Variants in TCAF1 observed in about 807,000 individuals in gnomAD.
TCAF1 encodes the protein TRPM8 channel associated factor 1.
TCAF1 carries 4 observed loss-of-function variants against 27.3 expected under a neutral mutation model. The observed-to-expected ratio is 0.15, with a 90% confidence interval of 0.07 to 0.34. The LOEUF is 0.34. Among genes scored for constraint, TCAF1 ranks in the 10% least tolerant of loss-of-function variants. TCAF1 has a pLI of 1.00. For synonymous variants in TCAF1, 105 were observed against 167.1 expected (o/e 0.63, Z 2.87); for missense variants, 257 against 425.8 (o/e 0.60, Z 3.49).
intron 1 of TCAF1, among the ~76,000 whole-genome samples, chr7:143,897,771 T>C (rs1813955402): frequency 6.6e-6 from 1 of 152,074 alleles, no homozygotes; most frequent in African/African-American, 2.4e-5. Flanking sequence ...ACACAGATGA[T>C]TTTACAGGTG....
intron 1 of TCAF1, among the ~76,000 whole-genome samples, chr7:143,886,866 ATTTTTT>A (rs56317170): frequency 8.7e-6 from 1 of 114,922 alleles, no homozygotes; most frequent in African/African-American, 3.1e-5. Flanking sequence ...GAGTTTTTGT[ATTTTTT>A]TTTTTTTTTT....
intron 1 of TCAF1, among the ~76,000 whole-genome samples, chr7:143,884,410 C>A (rs1015606843): frequency 3.3e-5 from 5 of 152,046 alleles, no homozygotes; most frequent in African/African-American, 1.2e-4. Context: ...CAAGATTCTG[C>A]CAAGTCAAGG....
chr7:143,896,913 A>G (rs1813893193), intron 1 of TCAF1, among the ~76,000 whole-genome samples: 1 of 151,342 alleles, frequency 6.6e-6, no homozygotes, highest in Non-Finnish European at 1.5e-5. Context: ...TCAAAGAAAG[A>G]AGAAAGTAAT....
At chr7:143,897,443 CAT>C (rs1393890777) in intron 1 of TCAF1, among the ~76,000 whole-genome samples, 8 of 151,746 alleles carry the variant, frequency 5.3e-5, no homozygotes, top group East Asian at 3.9e-4. Context: ...ATATATAAAA[CAT>C]GTGTTAATCA....
Position 143,851,623 on chromosome 7 carries a change from A to G in TCAF1, c.*2510T>C, listed in dbSNP as rs1399086873. On this transcript the variant is annotated 3_prime_UTR_variant, in exon 9 of 9. Coordinates refer to ENST00000479870, the MANE Select transcript of TCAF1 (RefSeq NM_014719.3). ...ACTTACTGACTTTACAACATCTTTA[A>G]TAATTCCCCATTACAAAAGATAAGG... is the stretch of plus-strand genomic sequence containing the variant. 1.3e-5 allele frequency: 2 copies of G among 152,248 alleles called. No homozygotes were observed. The highest frequency in any genetic ancestry group is 2.9e-5 in the Non-Finnish European group (2 of 68,044). 9.4% of individuals were successfully genotyped at this position (152,248 alleles called of 1,614,324 possible).
At chr7:143,872,299 A>G in intron 2 of TCAF1, among the ~76,000 whole-genome samples, 1 of 151,864 alleles carries the variant, frequency 6.6e-6, no homozygotes, top group Non-Finnish European at 1.5e-5. Context: ...CATTCTATCA[A>G]TGTTACATGT....
chr7:143,900,550 G>A (rs1814071011), intron 1 of TCAF1, among the ~76,000 whole-genome samples: 1 of 152,052 alleles, frequency 6.6e-6, no homozygotes, highest in African/African-American at 2.4e-5. Flanking sequence ...GATGACTGAG[G>A]CCCAGTCAAT....
chr7:143,881,464 T>C (rs1453680981), intron 1 of TCAF1, among the ~76,000 whole-genome samples: 1 of 152,182 alleles, frequency 6.6e-6, no homozygotes, highest in South Asian at 2.1e-4. Context: ...TTCCAAGACA[T>C]CGGGCTAGTT....
intron 1 of TCAF1, among the ~76,000 whole-genome samples, chr7:143,887,365 A>C (rs1035728632): frequency 5.9e-5 from 9 of 152,298 alleles, no homozygotes; most frequent in Non-Finnish European, 7.4e-5. Flanking sequence ...TACTTTTTGC[A>C]GGGAAAAAAT....
chr7:143,880,537 ATTG>A (rs1812957464), intron 1 of TCAF1, among the ~76,000 whole-genome samples: 1 of 152,212 alleles, frequency 6.6e-6, no homozygotes, highest in Admixed American at 6.5e-5. Flanking sequence ...CATCCTTTGA[ATTG>A]TTGTATGTAT....
intron 8 of TCAF1, among the ~76,000 whole-genome samples, chr7:143,854,507 C>T (rs1811473758): frequency 6.6e-6 from 1 of 151,870 alleles, no homozygotes; most frequent in Non-Finnish European, 1.5e-5. Context: ...AAAGGGCTCA[C>T]TCCAGCACTA....
chr7:143,851,486 CCT>C lies in TCAF1; in HGVS notation c.*2645_*2646del, dbSNP rs1811282005. On this transcript the variant is annotated 3_prime_UTR_variant, in exon 9 of 9. Transcript: ENST00000479870. ...TGAAAAACACAGTTTCCCATCCCAC[CCT>C]TTTTAAATCTAAATCCCATTCCCTA... The C allele has an allele frequency of 6.6e-6, 1 of 152,270 alleles. No homozygotes were observed. Among genetic ancestry groups the C allele is most frequent in the African/African-American group, 2.4e-5 (1 of 41,458 alleles). 9.4% of individuals were successfully genotyped at this position (152,270 alleles called of 1,614,324 possible). A position where few individuals can be genotyped will look rare whatever the true frequency, so the allele number is the denominator to read the frequency against.
chr7:143,886,268 C>A (rs2116835312), intron 1 of TCAF1, among the ~76,000 whole-genome samples: 1 of 152,252 alleles, frequency 6.6e-6, no homozygotes, highest in African/African-American at 2.4e-5. Flanking sequence ...TGCTGGGTAC[C>A]TAAGGAAGGG....
chr7:143,898,604 T>C (rs1426305614), intron 1 of TCAF1, among the ~76,000 whole-genome samples: 1 of 152,080 alleles, frequency 6.6e-6, no homozygotes, highest in Non-Finnish European at 1.5e-5. Context: ...AGTAAAAATA[T>C]GACGTGCCTA....
chr7:143,878,618 C>T (rs1562963667), intron 1 of TCAF1, among the ~76,000 whole-genome samples: 1 of 152,162 alleles, frequency 6.6e-6, no homozygotes, highest in Non-Finnish European at 1.5e-5. Flanking sequence ...AGTAGTTAAA[C>T]AGAAGCATTA....
chr7:143,885,192 G>A (rs1586787260), intron 1 of TCAF1: 2 of 985,448 alleles, frequency 2.0e-6, no homozygotes, highest in Admixed American at 1.2e-4. Context: ...CCCGAAACCA[G>A]CTTTGGACGA....
chr7:143,895,763 A>G (rs1813843758), intron 1 of TCAF1, among the ~76,000 whole-genome samples: 1 of 151,734 alleles, frequency 6.6e-6, no homozygotes, highest in African/African-American at 2.4e-5. Flanking sequence ...ACTAAGGATC[A>G]ATTTAACTTA....
intron 6 of TCAF1, among the ~76,000 whole-genome samples, chr7:143,859,981 T>TTATGTAA (rs1811871073): frequency 4.6e-5 from 2 of 43,516 alleles, no homozygotes; most frequent in Non-Finnish European, 8.0e-5. Flanking sequence ...ATAATATATA[T>TTATGTAA]TATATAATAT....
intron 1 of TCAF1, among the ~76,000 whole-genome samples, chr7:143,885,901 C>T (rs2107593): frequency 0.97 from 147,918 of 152,312 alleles, 71,845 homozygotes; most frequent in East Asian, 1. Context: ...TAGTCACACG[C>T]ATTATTTTGT....
Sources: allele counts gnomAD v4.1 joint callset (sites outside exome capture counted in the v4.1 genomes callset), GRCh38; gene constraint gnomAD v4.1.1; transcripts MANE v1.5; gene names NCBI Gene and HGNC (gene_info 2026-07-23, HGNC 2026-07-21).